CHRM5: variants seen among roughly 807,000 people sequenced by gnomAD.
CHRM5 encodes the protein cholinergic receptor muscarinic 5, also known as muscarinic acetylcholine receptor M5.
Under a neutral mutation model 39.0 loss-of-function variants are expected in CHRM5, and 18 were observed. The ratio of observed to expected loss-of-function variants is 0.46; its 90% confidence interval spans 0.32 to 0.68. CHRM5 has a LOEUF of 0.68. CHRM5 is among the 30% of genes least tolerant of loss of function. The pLI is 0.04. For missense variants in CHRM5, 515 were observed against 651.1 expected (o/e 0.79, Z 2.28); for synonymous variants, 241 against 246.3 (o/e 0.98, Z 0.20).
chr15:34,065,887 A>G lies in CHRM5; in HGVS notation c.*1571A>G, dbSNP rs543621. ...AAAATCACCAGACTTCATGCGTCTTAGTGTAGGCCGGGTCCTTTTCAGTCT... is the reference window on the plus strand; with the variant it reads ...AAAATCACCAGACTTCATGCGTCTTGGTGTAGGCCGGGTCCTTTTCAGTCT... On this transcript the variant is annotated 3_prime_UTR_variant, in exon 3 of 3. Coordinates refer to ENST00000383263, the MANE Select transcript of CHRM5 (RefSeq NM_012125.4). 0.47 allele frequency: 72,050 copies of G among 151,942 alleles called. 20,635 individuals are homozygous for G. The highest frequency in any genetic ancestry group is 0.65 in the Non-Finnish European group (43,812 of 67,902). 9.4% of individuals were successfully genotyped at this position (151,942 alleles called of 1,614,324 possible). A position where few individuals can be genotyped will look rare whatever the true frequency, so the allele number is the denominator to read the frequency against.
At chr15:34,035,786 T>G (rs1899087915) in intron 1 of CHRM5, among the ~76,000 whole-genome samples, 1 of 110,746 alleles carries the variant, frequency 9.0e-6, no homozygotes, top group Non-Finnish European at 2.5e-5. Flanking sequence ...GGATTATTTA[T>G]TCATTTAGTT....
chr15:33,987,283 G>T (rs1433206725), intron 1 of CHRM5, among the ~76,000 whole-genome samples: 1 of 152,108 alleles, frequency 6.6e-6, no homozygotes, highest in Non-Finnish European at 1.5e-5. Flanking sequence ...GTTGGAAAAG[G>T]TACATTTGAA....
chr15:34,062,204 A>C (rs907186395), intron 2 of CHRM5, among the ~76,000 whole-genome samples: 3 of 152,252 alleles, frequency 2.0e-5, no homozygotes, highest in Non-Finnish European at 4.4e-5. Context: ...CAAACTTTAG[A>C]GATTTCAGCA....
At chr15:33,982,453 C>T (rs1006926970) in intron 1 of CHRM5, among the ~76,000 whole-genome samples, 2 of 152,140 alleles carry the variant, frequency 1.3e-5, no homozygotes, top group Admixed American at 6.5e-5. Flanking sequence ...TCTGATAATA[C>T]TACTAAAATA....
intron 1 of CHRM5, among the ~76,000 whole-genome samples, chr15:34,036,885 G>A (rs1191216410): frequency 2.0e-5 from 3 of 152,228 alleles, no homozygotes; most frequent in Non-Finnish European, 4.4e-5. Context: ...CGAGGCGGGT[G>A]GATCACCTGA....
At chr15:34,008,369 G>C (rs984484783) in intron 1 of CHRM5, among the ~76,000 whole-genome samples, 1 of 151,448 alleles carries the variant, frequency 6.6e-6, no homozygotes, top group Non-Finnish European at 1.5e-5. Context: ...GCAGTGAGCT[G>C]TGATTGTGCC....
intron 1 of CHRM5, chr15:34,003,202 T>C: frequency 6.2e-7 from 1 of 1,613,330 alleles, no homozygotes; most frequent in South Asian, 1.1e-5. Context: ...ATCGCTGTCA[T>C]CTTCAACCTG....
At chr15:34,027,958 C>T (rs183274286) in intron 1 of CHRM5, among the ~76,000 whole-genome samples, 7 of 152,224 alleles carry the variant, frequency 4.6e-5, no homozygotes, top group East Asian at 1.9e-4. Flanking sequence ...TGTGGTCATG[C>T]GCAGAAAAGA....
At chr15:34,010,151 T>TG (rs1442336529) in intron 1 of CHRM5, among the ~76,000 whole-genome samples, 16 of 152,250 alleles carry the variant, frequency 1.1e-4, no homozygotes, top group Admixed American at 9.2e-4. Context: ...AGGAACCATA[T>TG]GCTTAACAGA....
At chr15:34,038,567 G>A (rs1899269885) in intron 1 of CHRM5, among the ~76,000 whole-genome samples, 1 of 151,408 alleles carries the variant, frequency 6.6e-6, no homozygotes, top group African/African-American at 2.4e-5. Flanking sequence ...CGCCAGCCCG[G>A]CCAGGAGGCC....
In CHRM5 at chr15:34,063,464, G is replaced by A. The variant is rs1201847762; in HGVS notation, c.747G>A (p.Leu249=). ...AEKRKPAHRA[L]FRSCLRCPRP... Reference sequence around the variant, plus strand: ...AGAGAAAGCCAGCTCATAGGGCTCTGTTCAGATCCTGCTTGCGCTGTCCTC... The same window carrying A: ...AGAGAAAGCCAGCTCATAGGGCTCTATTCAGATCCTGCTTGCGCTGTCCTC... The change falls in exon 3 of 3, where the codon CTG becomes CTA. Residue 249 remains leucine (L), a synonymous_variant. Coordinates refer to ENST00000383263, the MANE Select transcript of CHRM5 (RefSeq NM_012125.4). This position sits in a 1 kb window ranked among gnomAD's most constrained non-coding sequence, Gnocchi z 4.1. 1 of 1,613,724 alleles carries A rather than the reference G, an allele frequency of 6.2e-7. No homozygotes were observed. Among genetic ancestry groups the A allele is most frequent in the African/African-American group, 1.3e-5 (1 of 74,926 alleles).
At chr15:33,996,996 C>T (rs541315173) in intron 1 of CHRM5, among the ~76,000 whole-genome samples, 2 of 152,216 alleles carry the variant, frequency 1.3e-5, no homozygotes, top group South Asian at 2.1e-4. Flanking sequence ...GAATAAACAG[C>T]GTAGAGAAGA....
chr15:33,991,842 C>T (rs1309315546), intron 1 of CHRM5: 1 of 152,260 alleles, frequency 6.6e-6, no homozygotes, highest in Non-Finnish European at 1.5e-5. Context: ...CACCAAGAAT[C>T]TCTAAACAAA....
In CHRM5 at chr15:34,062,852, T is replaced by C; in HGVS notation, c.135T>C (p.Ile45=). ...AVTAVVSLIT[I]VGNVLVMISF... is the part of the protein sequence containing the mutation. ...CTGCTGTGGTAAGCCTGATCACCAT[T>C]GTGGGCAATGTCTTGGTCATGATCT... The change falls in exon 3 of 3, where the codon ATT becomes ATC. Residue 45 remains isoleucine, a synonymous_variant. Coordinates refer to ENST00000383263, the MANE Select transcript of CHRM5 (RefSeq NM_012125.4). 6.2e-7 allele frequency: 1 copy of C among 1,614,212 alleles called. No individual in the cohort carries two copies. Among genetic ancestry groups the C allele is most frequent in the Non-Finnish European group, 8.5e-7 (1 of 1,180,040 alleles).
intron 1 of CHRM5, among the ~76,000 whole-genome samples, chr15:34,030,103 A>T: frequency 6.6e-6 from 1 of 151,886 alleles, no homozygotes; most frequent in South Asian, 2.1e-4. Flanking sequence ...AAAATACAAA[A>T]ATTAGCCAGG....
At chr15:33,972,156 G>A (rs180826127) in intron 1 of CHRM5, 10 of 152,148 alleles carry the variant, frequency 6.6e-5, no homozygotes, top group Admixed American at 5.9e-4. Flanking sequence ...TAATTCAAAA[G>A]CGGGAGTAAA....
At chr15:33,994,866 A>T (rs1896868900) in intron 1 of CHRM5, among the ~76,000 whole-genome samples, 1 of 152,246 alleles carries the variant, frequency 6.6e-6, no homozygotes, top group South Asian at 2.1e-4. Context: ...GAATTGGACC[A>T]GAGGTCCAGC....
chr15:33,992,354 C>A (rs977932388), intron 1 of CHRM5, among the ~76,000 whole-genome samples: 4 of 152,032 alleles, frequency 2.6e-5, no homozygotes, highest in African/African-American at 9.7e-5. Context: ...TGCGCCACTG[C>A]ACTCCAGCCT....
chr15:34,018,974 G>A (rs1898086122), intron 1 of CHRM5, among the ~76,000 whole-genome samples: 1 of 152,036 alleles, frequency 6.6e-6, no homozygotes, highest in Non-Finnish European at 1.5e-5. Flanking sequence ...GCTGATTGGT[G>A]TGTTTTTACA....
Sources: allele counts gnomAD v4.1 joint callset (sites outside exome capture counted in the v4.1 genomes callset), GRCh38; gene constraint gnomAD v4.1.1; non-coding constraint Gnocchi (gnomAD v3.1); transcripts MANE v1.5; gene names NCBI Gene and HGNC (gene_info 2026-07-23, HGNC 2026-07-21).